Variants in HRG observed in about 807,000 individuals in gnomAD.
HRG encodes histidine rich glycoprotein.
A neutral mutation model predicts 29.5 loss-of-function variants in HRG; 26 were observed. The observed-to-expected ratio is 0.88, with a 90% CI of 0.65 to 1.22. The LOEUF (loss-of-function observed/expected upper bound fraction) is 1.22, where lower values mean the gene tolerates loss of function less well. Ranked by LOEUF, HRG falls within the 50% of genes most tolerant of loss-of-function variation. The pLI is 0.00. For missense variants in HRG, 671 were observed against 654.5 expected, an observed-to-expected ratio of 1.03 and a Z score of -0.28; for synonymous variants, 243 against 240.4, an observed-to-expected ratio of 1.01 and a Z score of -0.10.
In HRG at chr3:186,675,865, C is replaced by CTTTTTTT. The variant is rs56248425; in HGVS notation, c.741+690_741+696dup. 4.3e-4 allele frequency among the ~76,000 whole-genome samples: 42 copies of CTTTTTTT among 97,070 alleles called. 1 individual carries two copies. The highest frequency in any genetic ancestry group is 1.4e-3 in the East Asian group (4 of 2,860). The allele number at this position is 97,070 out of a possible 152,430, so 63.7% of individuals were successfully genotyped here. A position where few individuals can be genotyped will look rare whatever the true frequency, so the allele number is the denominator to read the frequency against. Reference sequence around the variant, plus strand: ...ATTGTCACCATGAACATGGCTCTGTCTTTTTTTTTTTTTTTTTTTTTGAGA... The same window carrying CTTTTTTT: ...ATTGTCACCATGAACATGGCTCTGTCTTTTTTTTTTTTTTTTTTTTTTTTTTTTGAGA... On this transcript the variant is annotated intron_variant, in intron 6 of 6. Transcript: ENST00000232003.
intron 2 of HRG, 85 bp from the exon 3 acceptor site, chr3:186,669,853 C>T (rs1489765280): frequency 2.6e-6 from 2 of 780,796 alleles, no homozygotes; most frequent in Admixed American, 1.7e-5. Context: ...GAGGATGTTG[C>T]ATCACCTTTT....
Position 186,669,495 on chromosome 3 carries a change from G to A in HRG, c.301-443G>A, listed in dbSNP as rs115351495. 3.1e-3 allele frequency: 1,046 copies of A among 335,386 alleles called. 5 individuals carry two copies. Among genetic ancestry groups the A allele is most frequent in the Non-Finnish European group, 4.6e-3 (814 of 175,500 alleles). The allele number at this position is 335,386 out of a possible 1,614,324, so 20.8% of individuals were successfully genotyped here. On this transcript the variant is annotated intron_variant, in intron 2 of 6. Coordinates refer to ENST00000232003, the MANE Select transcript of HRG (RefSeq NM_000412.5). ...GTAATTACTTGCAGTGAGGAATTGGGTCTTGCTCAGCACCTAGGATATACA... is the reference window on the plus strand; with the variant it reads ...GTAATTACTTGCAGTGAGGAATTGGATCTTGCTCAGCACCTAGGATATACA...
rs1305974966 is a variant in HRG at position 186,677,118 on chromosome 3, T to C, written c.813T>C (p.Ser271=). The change falls in exon 7 of 7, where the codon TCT becomes TCC. Residue 271 remains serine, a synonymous_variant. Transcript: ENST00000232003. ...TCCACTGGGGTGGGCATGAGCGTTCTTCTACCACCAAGCCTCCATTCAAGC... is the reference window on the plus strand; with the variant it reads ...TCCACTGGGGTGGGCATGAGCGTTCCTCTACCACCAAGCCTCCATTCAAGC... ...HPFHWGGHER[S]STTKPPFKPH... is the part of the protein sequence containing the mutation. The C allele has an allele frequency of 7.4e-6, 12 of 1,614,130 alleles. 1 individual carries two copies. The highest frequency in any genetic ancestry group is 1.0e-5 in the Non-Finnish European group (12 of 1,180,024).
At chr3:186,675,886 T>TTTTTGG (rs58947191) in intron 6 of HRG, among the ~76,000 whole-genome samples, 1 of 133,458 alleles carries the variant, frequency 7.5e-6, no homozygotes, top group South Asian at 2.4e-4. Context: ...TTTTTTTTTT[T>TTTTTGG]GAGAAGGAGT....
chr3:186,669,716 T>G, intron 2 of HRG: 1 of 580,428 alleles, frequency 1.7e-6, no homozygotes. Context: ...ATGCTTTAAA[T>G]AGTTTCTCGC....
At chr3:186,668,800 A>C (rs190187342) in intron 1 of HRG, 135 bp from the exon 2 acceptor site, 2 of 659,864 alleles carry the variant, frequency 3.0e-6, no homozygotes, top group East Asian at 5.4e-5. Context: ...CAAATGACGC[A>C]AAGGTAGAGC....
intron 5 of HRG, chr3:186,673,863 G>C (rs946465338): frequency 1.3e-5 from 2 of 152,116 alleles, no homozygotes; most frequent in African/African-American, 2.4e-5. Context: ...GCATTTGCAT[G>C]GTGACCTACA....
chr3:186,672,930 G>A (rs896067551), intron 5 of HRG, 63 bp downstream of exon 5: 21 of 938,614 alleles, frequency 2.2e-5, no homozygotes, highest in Non-Finnish European at 3.5e-5. Flanking sequence ...AAGAGAAGAA[G>A]GAGAAGGAGA....
At chr3:186,670,920 T>C (rs764205063) in intron 3 of HRG, among the ~76,000 whole-genome samples, 1 of 152,102 alleles carries the variant, frequency 6.6e-6, no homozygotes, top group Non-Finnish European at 1.5e-5. Flanking sequence ...AATCCAAATA[T>C]GATATTATAT....
At position 186,677,647 on chromosome 3, in the gene HRG, C is replaced by T. The variant is rs1042445; in HGVS notation, c.1342C>T (p.Arg448Cys). The T allele has an allele frequency of 0.24, 390,354 of 1,613,694 alleles. 48,813 individuals are homozygous for T. Among genetic ancestry groups the T allele is most frequent in the South Asian group, 0.34 (30,639 of 91,060 alleles). ...AAGGCGAGGCCCAGGTAAAGGACCCCGTCCCTTCCATTGCAGACAAATTGG... is the reference window on the plus strand; with the variant it reads ...AAGGCGAGGCCCAGGTAAAGGACCCTGTCCCTTCCATTGCAGACAAATTGG... ...LRRRGPGKGP[R>C]PFHCRQIGSV... Residue 448 changes from arginine (R) to cysteine (C), a missense_variant, in exon 7 of 7, where the codon CGT becomes TGT. By Grantham distance (180) the Arg-to-Cys change is radical. Coordinates refer to ENST00000232003, the MANE Select transcript of HRG (RefSeq NM_000412.5).
chr3:186,667,771 T>G (rs1039702368), intron 1 of HRG, among the ~76,000 whole-genome samples: 1 of 152,066 alleles, frequency 6.6e-6, no homozygotes, highest in Non-Finnish European at 1.5e-5. Flanking sequence ...AGAAGTTCCA[T>G]GTGGGCTCTG....
chr3:186,669,725 G>T lies in HRG; in HGVS notation c.301-213G>T, dbSNP rs139869156. The T allele has an allele frequency of 6.1e-5, 36 of 591,240 alleles. No homozygotes were observed. In the African/African-American group the frequency reaches 6.1e-4, roughly 10 times the overall value. The allele number at this position is 591,240 out of a possible 1,614,324, so 36.6% of individuals were successfully genotyped here. On this transcript the variant is annotated intron_variant, in intron 2 of 6. Coordinates refer to ENST00000232003, the MANE Select transcript of HRG (RefSeq NM_000412.5). ...GCCATGATGCTTTAAATAGTTTCTC[G>T]CTGGTTCTCCTGAGGATTTTGAGTG... is the stretch of plus-strand genomic sequence containing the variant.
At chr3:186,668,236 G>A (rs1459303461) in intron 1 of HRG, among the ~76,000 whole-genome samples, 1 of 152,090 alleles carries the variant, frequency 6.6e-6, no homozygotes, top group Non-Finnish European at 1.5e-5. Context: ...CAAGAGACAG[G>A]GACATGAAGT....
chr3:186,666,176 C>T lies in HRG; in HGVS notation c.145C>T (p.Gln49Ter). The T allele has an allele frequency of 6.2e-7, 1 of 1,614,070 alleles. No homozygotes were observed. Among genetic ancestry groups the T allele is most frequent in the Non-Finnish European group, 8.5e-7 (1 of 1,179,958 alleles). The stretch of plus-strand genomic sequence containing the variant: ...AAGGCGACGGGATGGCTACCTTTTC[C>T]AATTGCTGCGGATTGCTGATGCCCA... ...NKRRRDGYLF[Q>*]LLRIADAHLD... Residue 49 changes from glutamine (Q) to a stop codon, truncating the protein, a stop_gained, in exon 1 of 7, where the codon CAA (glutamine) becomes TAA (stop). Transcript: ENST00000232003. LOFTEE classifies it high-confidence loss of function.
chr3:186,671,154 G>C (rs1718775401), intron 3 of HRG, among the ~76,000 whole-genome samples: 2 of 150,002 alleles, frequency 1.3e-5, no homozygotes, highest in Non-Finnish European at 3.0e-5. Flanking sequence ...AGGAGTTTGA[G>C]ACTAGCCTGG....
At chr3:186,675,779 C>T (rs1409610994) in intron 6 of HRG, among the ~76,000 whole-genome samples, 1 of 149,706 alleles carries the variant, frequency 6.7e-6, no homozygotes, top group African/African-American at 2.5e-5. Flanking sequence ...AGAAACAAAA[C>T]TTAAAATAAT....
intron 5 of HRG, chr3:186,674,702 C>T (rs1385486914): frequency 2.9e-6 from 1 of 338,990 alleles, no homozygotes; most frequent in East Asian, 7.5e-5. Context: ...AAGGGACCAG[C>T]TGAAGTTGTA....
In HRG at chr3:186,676,104, G is replaced by T. The variant is rs530076545; in HGVS notation, c.741+914G>T. Reference sequence around the variant, plus strand: ...GGTTGGTCTCAAACTCCTGACCTTAGGTGATCCACCTGCCTCAGCCTCCCA... The same window carrying T: ...GGTTGGTCTCAAACTCCTGACCTTATGTGATCCACCTGCCTCAGCCTCCCA... On this transcript the variant is annotated intron_variant, in intron 6 of 6. Transcript: ENST00000232003. Among the ~76,000 whole-genome samples, 21 of 152,058 alleles carry T rather than the reference G, an allele frequency of 1.4e-4. No homozygotes were observed. The East Asian group carries it at 4.1e-3, about 29-fold the overall frequency.
Position 186,671,749 on chromosome 3 carries a change from C to T in HRG, c.518C>T (p.Ala173Val), listed in dbSNP as rs778998091. The T allele has an allele frequency of 1.9e-6, 3 of 1,613,842 alleles. No homozygotes were observed. The highest frequency in any genetic ancestry group is 1.6e-4 in the Middle Eastern group (1 of 6,082). The change falls in exon 4 of 7, where the codon GCC becomes GTC. Residue 173 changes from alanine to valine, a missense_variant. Coordinates refer to ENST00000232003, the MANE Select transcript of HRG (RefSeq NM_000412.5). ...EKYKEENDDF[A>V]SFRVDRIERV... ...TACAAAGAGGAGAATGATGACTTTG[C>T]CTCTTTCAGAGTGGACCGAATCGAG...
Sources: gnomAD v4.1 joint callset for allele counts (sites outside exome capture counted in the v4.1 genomes callset) on GRCh38, gnomAD v4.1.1 for gene constraint, MANE v1.5 for transcripts, NCBI Gene and HGNC (gene_info 2026-07-23, HGNC 2026-07-21) for gene names.